SERPINB7: variants seen among roughly 807,000 people sequenced by gnomAD.
The protein encoded by SERPINB7 is serpin B7.
Under a neutral mutation model 37.4 loss-of-function variants are expected in SERPINB7, and 31 were observed. That is an observed-to-expected ratio of 0.83 (90% CI 0.62 to 1.12). SERPINB7 has a LOEUF of 1.12. SERPINB7 is among the 50% of genes most tolerant of loss of function. The probability of loss-of-function intolerance (pLI) is 0.00; values close to 1 mark genes in which losing one functional copy is unlikely to be tolerated. For missense variants in SERPINB7, 521 were observed against 455.3 expected (o/e 1.14, Z -1.31); for synonymous variants, 163 against 166.1 (o/e 0.98, Z 0.14).
rs150283247 is a variant in SERPINB7 at position 63,780,562 on chromosome 18, C to G, written c.-18-1793C>G. On this transcript the variant is annotated intron_variant, in intron 1 of 7. Coordinates refer to ENST00000398019, the MANE Select transcript of SERPINB7 (RefSeq NM_003784.4). Reference sequence around the variant, plus strand: ...TCGTCTCCTTTGTTGCAAAGAGTTTCTCCTGTAGCTTTAATCACAATTGCC... The same window carrying G: ...TCGTCTCCTTTGTTGCAAAGAGTTTGTCCTGTAGCTTTAATCACAATTGCC... 4.2e-3 allele frequency among the ~76,000 whole-genome samples: 636 copies of G among 152,268 alleles called. 4 individuals carry two copies. The highest frequency in any genetic ancestry group is 0.014 in the African/African-American group (579 of 41,550).
intron 1 of SERPINB7, among the ~76,000 whole-genome samples, chr18:63,759,477 C>A (rs1450988433): frequency 6.6e-6 from 1 of 152,036 alleles, no homozygotes; most frequent in Non-Finnish European, 1.5e-5. Flanking sequence ...AAGAATCCTT[C>A]TTTTCTTTTT....
intron 4 of SERPINB7, among the ~76,000 whole-genome samples, chr18:63,794,110 A>ATTTTTTTTTTTTTTTT (rs34450022): frequency 5.1e-4 from 54 of 105,548 alleles, no homozygotes; most frequent in South Asian, 7.4e-4. Flanking sequence ...CATCCTGCTA[A>ATTTTTTTTTTTTTTTT]TTTTTTTTTT....
At chr18:63,768,055 C>G (rs1178929973) in intron 1 of SERPINB7, among the ~76,000 whole-genome samples, 1 of 151,920 alleles carries the variant, frequency 6.6e-6, no homozygotes, top group Non-Finnish European at 1.5e-5. Context: ...TATATGTTCT[C>G]TTTCTTTTTA....
chr18:63,766,519 C>T (rs1396244547), intron 1 of SERPINB7, among the ~76,000 whole-genome samples: 1 of 151,814 alleles, frequency 6.6e-6, no homozygotes, highest in Admixed American at 6.6e-5. Context: ...CATAGCACTT[C>T]CTGAACTTTC....
At chr18:63,788,500 T>G (rs2049395436) in intron 2 of SERPINB7, among the ~76,000 whole-genome samples, 1 of 152,186 alleles carries the variant, frequency 6.6e-6, no homozygotes, top group African/African-American at 2.4e-5. Flanking sequence ...AAGAAGTTTA[T>G]AAAGTAAAAA....
chr18:63,788,040 G>A (rs1207547678), intron 2 of SERPINB7, among the ~76,000 whole-genome samples: 7 of 152,196 alleles, frequency 4.6e-5, no homozygotes, highest in East Asian at 1.9e-4. Flanking sequence ...TGTACAGTAC[G>A]TAATGCTTGA....
At chr18:63,789,663 C>T (rs1025780569) in intron 2 of SERPINB7, among the ~76,000 whole-genome samples, 6 of 152,164 alleles carry the variant, frequency 3.9e-5, no homozygotes, top group African/African-American at 7.2e-5. Flanking sequence ...GAAGAGATAA[C>T]TGCCATATTT....
rs1440962902 is a variant in SERPINB7, at chr18:63,804,759, T to C, written c.*124T>C. The C allele has an allele frequency of 3.9e-6, 4 of 1,019,284 alleles. No individual in the cohort carries two copies. The highest frequency in any genetic ancestry group is 2.8e-6 in the Non-Finnish European group (2 of 708,120). The allele number at this position is 1,019,284 out of a possible 1,614,324, so 63.1% of individuals were successfully genotyped here. On this transcript the variant is annotated 3_prime_UTR_variant, in exon 8 of 8. Coordinates refer to ENST00000398019, the MANE Select transcript of SERPINB7 (RefSeq NM_003784.4). ...TGAGTTTATTTCTTCCTAACATTGGTCAGCAGATGACACTGGTGACTTGAC... is the reference window on the plus strand; with the variant it reads ...TGAGTTTATTTCTTCCTAACATTGGCCAGCAGATGACACTGGTGACTTGAC...
At position 63,804,234 on chromosome 18, in the gene SERPINB7, C is replaced by T; in HGVS notation, c.745-3C>T. On this transcript the variant is annotated splice_region_variant and splice_polypyrimidine_tract_variant and intron_variant, in intron 7 of 7. Coordinates refer to ENST00000398019, the MANE Select transcript of SERPINB7 (RefSeq NM_003784.4). ...CTAAATTATCTCTGAATTATTTTTA[C>T]AGATTGAAAACAAACTGACCTTTCA... The T allele has an allele frequency of 2.0e-6, 3 of 1,533,120 alleles. No homozygotes were observed. Among genetic ancestry groups the T allele is most frequent in the Non-Finnish European group, 2.6e-6 (3 of 1,142,718 alleles). The allele number at this position is 1,533,120 out of a possible 1,614,324, so 95.0% of individuals were successfully genotyped here.
chr18:63,789,503 C>T (rs185143949), intron 2 of SERPINB7, among the ~76,000 whole-genome samples: 9 of 152,204 alleles, frequency 5.9e-5, no homozygotes, highest in African/African-American at 1.2e-4. Flanking sequence ...GTTGAACCTC[C>T]CTTTCCTAGT....
At chr18:63,779,861 T>C (rs200818058) in intron 1 of SERPINB7, among the ~76,000 whole-genome samples, 2 of 151,432 alleles carry the variant, frequency 1.3e-5, no homozygotes, top group African/African-American at 4.9e-5. Flanking sequence ...AAAGTATAAT[T>C]TTTTTTTGCC....
intron 5 of SERPINB7, among the ~76,000 whole-genome samples, chr18:63,797,846 AC>A (rs1352859193): frequency 6.6e-6 from 1 of 152,182 alleles, no homozygotes; most frequent in Non-Finnish European, 1.5e-5. Flanking sequence ...AATCTTGCCA[AC>A]CTTATTCTCC....
chr18:63,779,098 T>A (rs1039602517), intron 1 of SERPINB7, among the ~76,000 whole-genome samples: 8 of 152,148 alleles, frequency 5.3e-5, no homozygotes, highest in African/African-American at 1.9e-4. Flanking sequence ...TTAGGTAGCT[T>A]TAATGTGGTT....
chr18:63,804,911 C>A lies in SERPINB7; in HGVS notation c.*276C>A. 1 of 391,462 alleles carries A rather than the reference C, an allele frequency of 2.6e-6. No individual in the cohort carries two copies. The highest frequency in any genetic ancestry group is 4.6e-6 in the Non-Finnish European group (1 of 219,694). The allele number at this position is 391,462 out of a possible 1,614,324, so 24.2% of individuals were successfully genotyped here. ...ATTTCTATCATTCTCCCCCATGACCCGTCTGGAAATTATGGAGAGTGCTCA... is the reference window on the plus strand; with the variant it reads ...ATTTCTATCATTCTCCCCCATGACCAGTCTGGAAATTATGGAGAGTGCTCA... On this transcript the variant is annotated 3_prime_UTR_variant, in exon 8 of 8. Transcript: ENST00000398019.
rs759066106 is a variant in SERPINB7, at chr18:63,800,906, AGT to A, written c.639_640del (p.Lys213AsnfsTer7). Reference sequence around the variant, plus strand: ...GTCGCCATGATGCATCAGGAACGGAAGTTCAATTTGTCTGTTATTGAGGACCC... The same window carrying A: ...GTCGCCATGATGCATCAGGAACGGAATCAATTTGTCTGTTATTGAGGACCC... On this transcript the variant is annotated frameshift_variant, in exon 7 of 8. Transcript: ENST00000398019. LOFTEE classifies it high-confidence loss of function. 2.9e-5 allele frequency: 47 copies of A among 1,613,866 alleles called. No individual in the cohort carries two copies. The highest frequency in any genetic ancestry group is 3.7e-5 in the Non-Finnish European group (44 of 1,179,880).
chr18:63,801,276 T>A (rs2049546009), intron 7 of SERPINB7, among the ~76,000 whole-genome samples: 1 of 152,216 alleles, frequency 6.6e-6, no homozygotes. Flanking sequence ...AGCTATGGAA[T>A]TAAAAAGACA....
rs1219468271 is a variant in SERPINB7 at position 63,800,908 on chromosome 18, T to C, written c.640T>C (p.Phe214Leu). The change falls in exon 7 of 8, where the codon TTC becomes CTC. Residue 214 changes from phenylalanine (F) to leucine (L), a missense_variant. Coordinates refer to ENST00000398019, the MANE Select transcript of SERPINB7 (RefSeq NM_003784.4). The stretch of plus-strand genomic sequence containing the variant: ...CGCCATGATGCATCAGGAACGGAAG[T>C]TCAATTTGTCTGTTATTGAGGACCC... ...AVAMMHQERKFNLSVIEDPSM... is the reference protein window; with the variant it reads ...AVAMMHQERKLNLSVIEDPSM... 6.2e-7 allele frequency: 1 copy of C among 1,613,786 alleles called. No individual in the cohort carries two copies. Among genetic ancestry groups the C allele is most frequent in the Non-Finnish European group, 8.5e-7 (1 of 1,179,816 alleles).
intron 1 of SERPINB7, among the ~76,000 whole-genome samples, chr18:63,755,328 T>A (rs1053148450): frequency 3.2e-4 from 49 of 152,224 alleles, no homozygotes; most frequent in African/African-American, 1.1e-3. Context: ...TCATTTCGTG[T>A]CCTCCTTGTT....
chr18:63,784,975 G>A (rs2049349612), intron 2 of SERPINB7, among the ~76,000 whole-genome samples: 1 of 152,196 alleles, frequency 6.6e-6, no homozygotes. Context: ...CAGCTCATGA[G>A]TCATGGTGAA....
Sources: allele counts gnomAD v4.1 joint callset (sites outside exome capture counted in the v4.1 genomes callset), GRCh38; gene constraint gnomAD v4.1.1; transcripts MANE v1.5; gene names NCBI Gene and HGNC (gene_info 2026-07-23, HGNC 2026-07-21).